Variants in LIPK observed in about 807,000 individuals in gnomAD.
LIPK encodes lipase member K.
A neutral mutation model predicts 48.6 loss-of-function variants in LIPK; 32 were observed. The observed-to-expected ratio is 0.66, with a 90% CI of 0.50 to 0.88. The LOEUF (loss-of-function observed/expected upper bound fraction) is 0.88. Ranked by LOEUF, LIPK falls within the 40% of genes least tolerant of loss-of-function variation. LIPK has a pLI of 0.00. For missense variants in LIPK, 507 were observed against 478.5 expected (o/e 1.06, Z -0.56); for synonymous variants, 164 against 157.4 (o/e 1.04, Z -0.32).
intron 7 of LIPK, among the ~76,000 whole-genome samples, chr10:88,738,494 T>C (rs1315748335): frequency 6.6e-6 from 1 of 152,210 alleles, no homozygotes; most frequent in African/African-American, 2.4e-5. Flanking sequence ...TCAGGCAAGA[T>C]TTATAAAAGG....
chr10:88,708,233 A>C (rs1170888384), intron 1 of LIPK, among the ~76,000 whole-genome samples: 3 of 152,154 alleles, frequency 2.0e-5, no homozygotes, highest in Non-Finnish European at 4.4e-5. Context: ...GTTTAAATTT[A>C]TACATAATTA....
intron 4 of LIPK, 140 bp downstream of exon 4, chr10:88,731,321 C>A: frequency 1.4e-6 from 1 of 705,628 alleles, no homozygotes; most frequent in Non-Finnish European, 2.2e-6. Flanking sequence ...CTTTCTCTAC[C>A]CAAACTTTCT....
At chr10:88,750,957 C>T (rs1327454472) in intron 9 of LIPK, among the ~76,000 whole-genome samples, 1 of 152,098 alleles carries the variant, frequency 6.6e-6, no homozygotes, top group Non-Finnish European at 1.5e-5. Flanking sequence ...AAAGTATATT[C>T]TCTGACTTCT....
chr10:88,732,078 A>G (rs1842478139), intron 4 of LIPK, 100 bp from the exon 5 acceptor site: 2 of 744,620 alleles, frequency 2.7e-6, no homozygotes, highest in Admixed American at 5.3e-5. Context: ...TCTTATATTT[A>G]ACAAAATCAA....
intron 1 of LIPK, among the ~76,000 whole-genome samples, chr10:88,721,862 G>T (rs941115174): frequency 7.2e-5 from 11 of 152,138 alleles, no homozygotes; most frequent in African/African-American, 2.7e-4. Flanking sequence ...CTACTACTTT[G>T]CCATAAAATA....
rs757272101 is a variant in LIPK at position 88,732,398 on chromosome 10, G to C, written c.533-17G>C. On this transcript the variant is annotated splice_polypyrimidine_tract_variant and intron_variant, in intron 5 of 9. Coordinates refer to ENST00000404190, the MANE Select transcript of LIPK (RefSeq NM_001080518.2). Reference sequence around the variant, plus strand: ...AATTATCTGAAAACTATGAACTACTGTCTTCTTCCATTTCAGCTTTTATAG... The same window carrying C: ...AATTATCTGAAAACTATGAACTACTCTCTTCTTCCATTTCAGCTTTTATAG... The C allele has an allele frequency of 8.1e-6, 13 of 1,605,492 alleles. No individual in the cohort carries two copies. The South Asian group carries it at 1.2e-4, about 15-fold the overall frequency.
intron 9 of LIPK, among the ~76,000 whole-genome samples, chr10:88,744,312 G>A (rs967704454): frequency 1.3e-5 from 2 of 152,224 alleles, no homozygotes; most frequent in East Asian, 3.8e-4. Context: ...CATACTTGCA[G>A]CCTCCCCTGA....
chr10:88,722,882 C>CTTTTTTTTTTTTTT (rs1262882913), intron 1 of LIPK, among the ~76,000 whole-genome samples: 2 of 46,028 alleles, frequency 4.3e-5, no homozygotes, highest in Non-Finnish European at 6.7e-5. Flanking sequence ...TTCTTCTTTT[C>CTTTTTTTTTTTTTT]TTTTTTCTTT....
At chr10:88,751,412 G>A (rs377423) in intron 9 of LIPK, among the ~76,000 whole-genome samples, 36,254 of 151,692 alleles carry the variant, frequency 0.24, 4,491 homozygotes, top group East Asian at 0.37. Flanking sequence ...TAAAAATAAA[G>A]TCAGGGTCTC....
chr10:88,740,143 T>C, intron 8 of LIPK, 76 bp downstream of exon 8: 2 of 1,034,156 alleles, frequency 1.9e-6, no homozygotes, highest in Non-Finnish European at 2.8e-6. Flanking sequence ...GAGAGCTCAC[T>C]GCAGGGTTCT....
intron 8 of LIPK, among the ~76,000 whole-genome samples, chr10:88,741,020 G>A (rs1842671169): frequency 6.6e-6 from 1 of 152,090 alleles, no homozygotes; most frequent in Non-Finnish European, 1.5e-5. Flanking sequence ...AGACAGATAG[G>A]TCCTCTTATG....
At chr10:88,723,286 G>T (rs1405051489) in intron 1 of LIPK, among the ~76,000 whole-genome samples, 3 of 152,042 alleles carry the variant, frequency 2.0e-5, no homozygotes, top group Non-Finnish European at 4.4e-5. Flanking sequence ...ATAGTTATAA[G>T]AGCAGTTATG....
intron 1 of LIPK, among the ~76,000 whole-genome samples, chr10:88,710,039 C>T (rs1397889261): frequency 6.6e-6 from 1 of 151,706 alleles, no homozygotes; most frequent in African/African-American, 2.4e-5. Flanking sequence ...TGCCCAACAA[C>T]TTTTTCCTCT....
intron 6 of LIPK, among the ~76,000 whole-genome samples, chr10:88,736,149 A>G (rs913120468): frequency 3.9e-5 from 6 of 151,958 alleles, no homozygotes; most frequent in African/African-American, 1.5e-4. Flanking sequence ...GGAAAAAGGA[A>G]GGGAAGGAGG....
chr10:88,709,540 T>A (rs576430264), intron 1 of LIPK, among the ~76,000 whole-genome samples: 1 of 152,100 alleles, frequency 6.6e-6, no homozygotes, highest in Non-Finnish European at 1.5e-5. Flanking sequence ...GGATTTTTGT[T>A]CCTGTTAGCT....
chr10:88,750,311 T>G (rs961326498), intron 9 of LIPK, among the ~76,000 whole-genome samples: 2 of 152,058 alleles, frequency 1.3e-5, no homozygotes, highest in African/African-American at 2.4e-5. Flanking sequence ...AGGTATATAC[T>G]CAAAGGAATA....
At position 88,711,282 on chromosome 10, in the gene LIPK, C is replaced by T. The variant is rs182346694; in HGVS notation, c.-12+4962C>T. Among the ~76,000 whole-genome samples the T allele has an allele frequency of 6.6e-5, 10 of 152,052 alleles. No individual in the cohort carries two copies. In the East Asian group the frequency reaches 1.2e-3, roughly 18 times the overall value. The stretch of plus-strand genomic sequence containing the variant: ...ATTGCATATATTTTAATGTGAATAA[C>T]GTGATGTTTTGCTATATATATATGT... On this transcript the variant is annotated intron_variant, in intron 1 of 9. Transcript: ENST00000404190.
At chr10:88,743,437 G>A (rs1842716145) in intron 9 of LIPK, 116 bp downstream of exon 9, 4 of 673,454 alleles carry the variant, frequency 5.9e-6, no homozygotes, top group African/African-American at 3.6e-5. Flanking sequence ...GCTTATTGCT[G>A]TTCTCACAGG....
At chr10:88,722,523 A>G (rs752032282) in intron 1 of LIPK, among the ~76,000 whole-genome samples, 2 of 152,210 alleles carry the variant, frequency 1.3e-5, no homozygotes, top group Non-Finnish European at 2.9e-5. Flanking sequence ...CCCCCTCAAT[A>G]GATTCTCCTT....
Sources: gnomAD v4.1 joint callset for allele counts (sites outside exome capture counted in the v4.1 genomes callset) on GRCh38, gnomAD v4.1.1 for gene constraint, MANE v1.5 for transcripts, NCBI Gene and HGNC (gene_info 2026-07-23, HGNC 2026-07-21) for gene names.